The following TP63 variants were observed in gnomAD, a reference collection of about 807,000 sequenced individuals.
The protein encoded by TP63 is tumor protein p63, also known as tumor protein 63.
Under a neutral mutation model 82.8 loss-of-function variants are expected in TP63, and 17 were observed. The ratio of observed to expected loss-of-function variants is 0.21; its 90% confidence interval spans 0.14 to 0.31. The LOEUF (loss-of-function observed/expected upper bound fraction) is 0.31, where lower values mean the gene tolerates loss of function less well. Ranked by LOEUF, TP63 falls within the 10% of genes least tolerant of loss-of-function variation. The probability of loss-of-function intolerance (pLI) is 1.00; values close to 1 mark genes in which losing one functional copy is unlikely to be tolerated. For missense variants in TP63, 648 were observed against 895.3 expected (o/e 0.72, Z 3.52); for synonymous variants, 330 against 321.7 (o/e 1.03, Z -0.28).
At position 189,866,732 on chromosome 3, in the gene TP63, G is replaced by A; in HGVS notation, c.817G>A (p.Ala273Thr). ...GATTCGAGTAGAGGGGAACAGCCAT[G>A]CCCAGTATGTAGAAGATCCCATCAC... is the stretch of plus-strand genomic sequence containing the variant. ...HLIRVEGNSH[A>T]QYVEDPITGR... is the part of the protein sequence containing the mutation. The change falls in exon 6 of 14, where the codon GCC (alanine) becomes ACC (threonine). Residue 273 changes from alanine (A) to threonine (T), a missense_variant. By Grantham distance (58) the Ala-to-Thr change is moderately conservative (BLOSUM62 0). Around this residue, in one of 5 missense-constraint regions of TP63, gnomAD observed 30 missense variants for 26.4 expected, o/e 1.14. Coordinates refer to ENST00000264731, the MANE Select transcript of TP63 (RefSeq NM_003722.5). The A allele has an allele frequency of 1.2e-6, 2 of 1,614,032 alleles. No homozygotes were observed. The highest frequency in any genetic ancestry group is 1.7e-6 in the Non-Finnish European group (2 of 1,179,992).
intron 4 of TP63, among the ~76,000 whole-genome samples, chr3:189,854,870 A>G (rs1305218479): frequency 6.6e-6 from 1 of 152,250 alleles, no homozygotes; most frequent in Non-Finnish European, 1.5e-5. Flanking sequence ...TTAATAAGAC[A>G]GTAACACTGT....
rs59468983 is a variant in TP63 at position 189,848,239 on chromosome 3, T to TTCTCTCTCTCTCTCTCTCTCTCTCTCTC, written c.580-15989_580-15962dup. On this transcript the variant is annotated intron_variant, in intron 4 of 13. Coordinates refer to ENST00000264731, the MANE Select transcript of TP63 (RefSeq NM_003722.5). ...CTCTGCCTCCTCCTCCTCCTCCTCC[T>TTCTCTCTCTCTCTCTCTCTCTCTCTCTC]TCTCTCTCTCTCTCTCTCTCTCTCT... 2.0e-3 allele frequency among the ~76,000 whole-genome samples: 190 copies of TTCTCTCTCTCTCTCTCTCTCTCTCTCTC among 95,960 alleles called. 17 individuals carry two copies. The highest frequency in any genetic ancestry group is 5.8e-3 in the Admixed American group (45 of 7,812). 63.0% of individuals were successfully genotyped at this position (95,960 alleles called of 152,430 possible).
At chr3:189,879,985 T>C in intron 10 of TP63, 2 of 1,551,212 alleles carry the variant, frequency 1.3e-6, no homozygotes, top group South Asian at 2.5e-5. Flanking sequence ...GTATAAGGAG[T>C]GTGTTTCTGA....
intron 3 of TP63, among the ~76,000 whole-genome samples, chr3:189,792,780 A>G (rs1236459645): frequency 1.3e-5 from 2 of 152,056 alleles, no homozygotes; most frequent in Non-Finnish European, 2.9e-5. Context: ...CATGAAGAAC[A>G]GTTGTACAAA....
intron 1 of TP63, among the ~76,000 whole-genome samples, chr3:189,695,404 C>T (rs1019203453): frequency 2.0e-5 from 3 of 152,026 alleles, no homozygotes; most frequent in African/African-American, 7.2e-5. Context: ...CAAGATGTTT[C>T]AGGCTCATCT....
At chr3:189,781,292 G>C (rs529241463) in intron 3 of TP63, among the ~76,000 whole-genome samples, 3 of 152,310 alleles carry the variant, frequency 2.0e-5, no homozygotes, top group South Asian at 2.1e-4. Flanking sequence ...GTGAAAACGG[G>C]GTTCTTGGAG....
rs200203171 is a variant in TP63, at chr3:189,886,524, A to G, written c.1480A>G (p.Thr494Ala). ...GCAGCGCAACGCCCTCACTCCTACA[A>G]CCATTCCTGATGGCATGGGAGCCAA... is the stretch of plus-strand genomic sequence containing the variant. Reference protein sequence around the residue: ...PQQRNALTPTTIPDGMGANIP... With the variant: ...PQQRNALTPTAIPDGMGANIP... The change falls in exon 11 of 14, where the codon ACC becomes GCC. Residue 494 changes from threonine to alanine, a missense_variant. By Grantham distance (58) the Thr-to-Ala change is moderately conservative. This residue lies in a region of TP63 where 342 missense variants were observed against 425.7 expected (regional missense o/e 0.80). Transcript: ENST00000264731. 148 of 1,613,808 alleles carry G rather than the reference A, an allele frequency of 9.2e-5. No homozygotes were observed. Among genetic ancestry groups the G allele is most frequent in the Admixed American group, 4.0e-4 (24 of 59,978 alleles).
At chr3:189,806,328 T>C (rs1726900021) in intron 3 of TP63, among the ~76,000 whole-genome samples, 1 of 152,166 alleles carries the variant, frequency 6.6e-6, no homozygotes, top group Admixed American at 6.5e-5. Flanking sequence ...TGTGAGTTTC[T>C]TTGTCCTTTT....
chr3:189,794,681 AT>A (rs1031750554), intron 3 of TP63, among the ~76,000 whole-genome samples: 3 of 152,054 alleles, frequency 2.0e-5, no homozygotes, highest in African/African-American at 4.8e-5. Context: ...AGGAGAGTAC[AT>A]TTATCATAGT....
intron 3 of TP63, among the ~76,000 whole-genome samples, chr3:189,739,326 A>G (rs990686137): frequency 1.3e-5 from 2 of 152,032 alleles, no homozygotes; most frequent in African/African-American, 4.8e-5. Flanking sequence ...ATGTTGGCCA[A>G]GCTGGTCTCG....
chr3:189,849,902 C>G (rs1715408813), intron 4 of TP63, among the ~76,000 whole-genome samples: 1 of 152,180 alleles, frequency 6.6e-6, no homozygotes, highest in Non-Finnish European at 1.5e-5. Context: ...TCTGTATTCT[C>G]TGTCTTCTAA....
intron 1 of TP63, among the ~76,000 whole-genome samples, chr3:189,664,237 A>G (rs897373479): frequency 1.5e-4 from 23 of 152,170 alleles, no homozygotes; most frequent in African/African-American, 5.1e-4. Context: ...GGAATATCAC[A>G]ATACCCAGCA....
chr3:189,764,418 C>T (rs1722790721), intron 3 of TP63, among the ~76,000 whole-genome samples: 1 of 152,110 alleles, frequency 6.6e-6, no homozygotes, highest in South Asian at 2.1e-4. Context: ...GTGTCTTCAT[C>T]AGGTAAAAGG....
intron 7 of TP63, 125 bp from the exon 8 acceptor site, chr3:189,868,455 C>A: frequency 7.0e-7 from 1 of 1,424,016 alleles, no homozygotes; most frequent in South Asian, 1.2e-5. Context: ...ATTCTCAAAG[C>A]CGCCATGGCT....
intron 1 of TP63, among the ~76,000 whole-genome samples, chr3:189,662,832 A>T (rs777632057): frequency 5.9e-5 from 9 of 152,046 alleles, no homozygotes; most frequent in Admixed American, 6.6e-5. Context: ...TTGTGGATAT[A>T]TGTTACAGTT....
chr3:189,603,650 TAAAAA>T, the TP63 span, among the ~76,000 whole-genome samples: 2,118 of 50,764 alleles, frequency 0.042, 27 homozygotes, highest in Middle Eastern at 0.075. Flanking sequence ...TTGCCTTCAT[TAAAAA>T]AAAAAAAAAA....
intron 1 of TP63, among the ~76,000 whole-genome samples, chr3:189,696,725 A>G (rs1248288343): frequency 1.3e-5 from 2 of 151,960 alleles, no homozygotes; most frequent in Non-Finnish European, 2.9e-5. Context: ...GCAGTCGTTT[A>G]TACTTTAGCC....
chr3:189,748,508 CAAAAAAA>C (rs58926854), intron 3 of TP63, among the ~76,000 whole-genome samples: 9 of 31,256 alleles, frequency 2.9e-4, no homozygotes, highest in African/African-American at 8.0e-4. Flanking sequence ...AGGAAAACTA[CAAAAAAA>C]AAAAAAAAAA....
intron 3 of TP63, among the ~76,000 whole-genome samples, chr3:189,770,987 C>T (rs1291512900): frequency 1.3e-5 from 2 of 152,018 alleles, no homozygotes; most frequent in African/African-American, 4.8e-5. Context: ...TACCCTTGCT[C>T]CTCACAACAA....
Sources: allele counts gnomAD v4.1 joint callset (sites outside exome capture counted in the v4.1 genomes callset), GRCh38; gene constraint gnomAD v4.1.1; regional missense constraint gnomAD v4.1.1; transcripts MANE v1.5; gene names NCBI Gene and HGNC (gene_info 2026-07-23, HGNC 2026-07-21).